GMDS: variants seen among roughly 807,000 people sequenced by gnomAD.
GMDS encodes the protein GDP-mannose 4,6-dehydratase.
In GMDS, 20 loss-of-function variants were observed where a neutral mutation model predicts 49.9. The observed-to-expected ratio is 0.40, with a 90% CI of 0.28 to 0.58. The LOEUF (loss-of-function observed/expected upper bound fraction) is 0.58, where lower values mean the gene tolerates loss of function less well. Ranked by LOEUF, GMDS falls within the 20% of genes least tolerant of loss-of-function variation. GMDS has a pLI of 0.42. For synonymous variants in GMDS, 177 were observed against 178.6 expected, an observed-to-expected ratio of 0.99 and a Z score of 0.07; for missense variants, 362 against 481.4, an observed-to-expected ratio of 0.75 and a Z score of 2.32.
chr6:1,926,493 A>G (rs2113917046), intron 7 of GMDS, among the ~76,000 whole-genome samples: 1 of 152,352 alleles, frequency 6.6e-6, no homozygotes, highest in African/African-American at 2.4e-5. Flanking sequence ...CTGTATAATT[A>G]AAACGTGTGT....
intron 7 of GMDS, among the ~76,000 whole-genome samples, chr6:1,837,194 A>G (rs1261019615): frequency 6.6e-6 from 1 of 152,242 alleles, no homozygotes; most frequent in East Asian, 1.9e-4. Flanking sequence ...ATGATAAGAT[A>G]AACCTGGGAA....
intron 7 of GMDS, among the ~76,000 whole-genome samples, chr6:1,797,251 T>C (rs1769777424): frequency 6.6e-6 from 1 of 152,112 alleles, no homozygotes; most frequent in Non-Finnish European, 1.5e-5. Flanking sequence ...GGTGAAACAG[T>C]TTTGTCATGA....
chr6:2,092,836 C>T (rs1773397825), intron 4 of GMDS, among the ~76,000 whole-genome samples: 1 of 152,106 alleles, frequency 6.6e-6, no homozygotes, highest in Non-Finnish European at 1.5e-5. Flanking sequence ...ATAAGTTGGA[C>T]ATTTTAGATA....
In GMDS at chr6:2,093,708, T is replaced by C. The variant is rs191370180; in HGVS notation, c.345+22063A>G. Among the ~76,000 whole-genome samples the C allele has an allele frequency of 1.4e-3, 209 of 151,564 alleles. 1 individual carries two copies. Among genetic ancestry groups the C allele is most frequent in the Admixed American group, 2.4e-3 (37 of 15,218 alleles). The stretch of plus-strand genomic sequence containing the variant: ...TATAAAAATTAAATTCTAAAAAAGA[T>C]ACAAATTAAATGCATATCATGACTG... On this transcript the variant is annotated intron_variant, in intron 4 of 10. Coordinates refer to ENST00000380815, the MANE Select transcript of GMDS (RefSeq NM_001500.4).
At chr6:1,902,642 T>TA (rs550791025) in intron 7 of GMDS, among the ~76,000 whole-genome samples, 147 of 152,152 alleles carry the variant, frequency 9.7e-4, no homozygotes, top group Non-Finnish European at 1.6e-3. Context: ...GAATATAGGA[T>TA]AAAAAAATAG....
chr6:2,148,130 C>T (rs148116129), intron 1 of GMDS, among the ~76,000 whole-genome samples: 4 of 152,140 alleles, frequency 2.6e-5, no homozygotes, highest in Non-Finnish European at 2.9e-5. Flanking sequence ...TTTTGTCAGA[C>T]GTTGAGTGAG....
intron 1 of GMDS, among the ~76,000 whole-genome samples, chr6:2,184,608 C>G (rs1312183882): frequency 2.0e-5 from 3 of 152,216 alleles, no homozygotes; most frequent in African/African-American, 7.2e-5. Flanking sequence ...CTGTCACTCT[C>G]TAGCACGGTG....
rs117426701 is a variant in GMDS, at chr6:1,730,201, C to T, written c.891-3689G>A. Among the ~76,000 whole-genome samples the T allele has an allele frequency of 3.2e-3, 493 of 152,344 alleles. 2 individuals are homozygous for T. The highest frequency in any genetic ancestry group is 0.017 in the East Asian group (88 of 5,184). On this transcript the variant is annotated intron_variant, in intron 8 of 10. Coordinates refer to ENST00000380815, the MANE Select transcript of GMDS (RefSeq NM_001500.4). ...TGCCATAAGGCAGGCCTGGAGGAAG[C>T]ATTAGCTTCTGGATAAAGATGGTGG...
chr6:2,034,474 A>T (rs185322386), intron 4 of GMDS, among the ~76,000 whole-genome samples: 2 of 152,298 alleles, frequency 1.3e-5, no homozygotes, highest in African/African-American at 4.8e-5. Flanking sequence ...TCTAAAATTC[A>T]CTGTGATGAT....
At chr6:2,039,373 C>T (rs979056741) in intron 4 of GMDS, among the ~76,000 whole-genome samples, 6 of 152,086 alleles carry the variant, frequency 3.9e-5, no homozygotes, top group Non-Finnish European at 7.4e-5. Flanking sequence ...ACTTTATGAG[C>T]ACTGTACACT....
chr6:2,110,655 A>T (rs1031234399), intron 4 of GMDS, among the ~76,000 whole-genome samples: 4 of 152,184 alleles, frequency 2.6e-5, no homozygotes, highest in Non-Finnish European at 5.9e-5. Context: ...CAACTCTGTG[A>T]GGAAATCTCA....
intron 9 of GMDS, among the ~76,000 whole-genome samples, chr6:1,708,000 G>A (rs1020592864): frequency 6.6e-6 from 1 of 152,100 alleles, no homozygotes; most frequent in Non-Finnish European, 1.5e-5. Context: ...CTATTCACAT[G>A]CGTTATTAAA....
chr6:1,674,552 CTCTCTCTCTTTT>C (rs916042336), intron 9 of GMDS, among the ~76,000 whole-genome samples: 3 of 85,480 alleles, frequency 3.5e-5, no homozygotes, highest in African/African-American at 4.9e-5. Context: ...TCAACTCTCT[CTCTCTCTCTTTT>C]TTTTTTTTTT....
At position 1,624,129 on chromosome 6, in the gene GMDS, G is replaced by C; in HGVS notation, c.*40C>G. On this transcript the variant is annotated 3_prime_UTR_variant, in exon 11 of 11. Transcript: ENST00000380815. Reference sequence around the variant, plus strand: ...CGCGTCTGCACCGGAGACTCTGCGGGGATTGTAGCCGGAGGGCGGGCCGGG... The same window carrying C: ...CGCGTCTGCACCGGAGACTCTGCGGCGATTGTAGCCGGAGGGCGGGCCGGG... The C allele has an allele frequency of 6.3e-7, 1 of 1,577,338 alleles. No homozygotes were observed. Among genetic ancestry groups the C allele is most frequent in the Non-Finnish European group, 8.6e-7 (1 of 1,156,822 alleles).
At chr6:1,633,507 C>T (rs898119347) in intron 9 of GMDS, among the ~76,000 whole-genome samples, 2 of 151,926 alleles carry the variant, frequency 1.3e-5, no homozygotes, top group Non-Finnish European at 2.9e-5. Context: ...GATGGGAGTG[C>T]GAGGGAGCGA....
intron 9 of GMDS, among the ~76,000 whole-genome samples, chr6:1,655,415 A>T (rs7752534): frequency 1.3e-5 from 2 of 151,854 alleles, no homozygotes; most frequent in African/African-American, 4.8e-5. Context: ...TTTTCAATTG[A>T]CACATTTTCC....
chr6:1,678,053 C>T (rs1266830654), intron 9 of GMDS, among the ~76,000 whole-genome samples: 1 of 151,904 alleles, frequency 6.6e-6, no homozygotes, highest in Non-Finnish European at 1.5e-5. Flanking sequence ...TTTGTAATTT[C>T]CTGTTTTCAT....
At chr6:1,929,986 G>T (rs748055263) in intron 7 of GMDS, 117 bp downstream of exon 7, 4 of 889,882 alleles carry the variant, frequency 4.5e-6, no homozygotes, top group Non-Finnish European at 7.0e-6. Flanking sequence ...AAACATACCT[G>T]CCTTGGCAAA....
intron 4 of GMDS, among the ~76,000 whole-genome samples, chr6:1,982,889 T>C (rs1765302720): frequency 6.6e-6 from 1 of 152,178 alleles, no homozygotes; most frequent in Non-Finnish European, 1.5e-5. Flanking sequence ...TTAAAATTCA[T>C]ATGGAACCAA....
Sources: allele counts gnomAD v4.1 joint callset (sites outside exome capture counted in the v4.1 genomes callset), GRCh38; gene constraint gnomAD v4.1.1; transcripts MANE v1.5; gene names NCBI Gene and HGNC (gene_info 2026-07-23, HGNC 2026-07-21).